Variants in HYOU1 observed in about 807,000 individuals in gnomAD.
HYOU1 encodes the protein hypoxia up-regulated protein 1.
Under a neutral mutation model 120.5 loss-of-function variants are expected in HYOU1, and 40 were observed. The ratio of observed to expected loss-of-function variants is 0.33; its 90% CI spans 0.26 to 0.43. The LOEUF (loss-of-function observed/expected upper bound fraction) is 0.43, where lower values mean the gene tolerates loss of function less well. HYOU1 is among the 20% of genes least tolerant of loss of function. The pLI is 1.00. For missense variants in HYOU1, 1,085 were observed against 1,278.3 expected (o/e 0.85, Z 2.31); for synonymous variants, 501 against 479.4 (o/e 1.05, Z -0.59).
Position 119,049,835 on chromosome 11 carries a change from C to T in HYOU1, c.1668G>A (p.Val556=). The change falls in exon 15 of 26, where the codon GTG becomes GTA. Residue 556 remains valine (V), a splice_region_variant and synonymous_variant. Transcript: ENST00000617285. ...CTACCAGTGTCTCAAATACAGACTC[C>T]ACCTGAAAACAGGTTCAAAATGAAA... is the stretch of plus-strand genomic sequence containing the variant. ...DESGVLSLDR[V]ESVFETLVED... 6.2e-7 allele frequency: 1 copy of T among 1,613,900 alleles called. No individual in the cohort carries two copies. The highest frequency in any genetic ancestry group is 1.7e-5 in the Admixed American group (1 of 60,030).
chr11:119,052,653 G>A lies in HYOU1; in HGVS notation c.971C>T (p.Ala324Val), dbSNP rs2133594369. 6.8e-6 allele frequency: 11 copies of A among 1,613,500 alleles called. No homozygotes were observed. Among genetic ancestry groups the A allele is most frequent in the African/African-American group, 1.3e-5 (1 of 74,940 alleles). ...TGTGGGCACCTGTGCCATGTGGTCAGCGTTGGCACTGAGGACGGTTTTGAG... is the reference window on the plus strand; with the variant it reads ...TGTGGGCACCTGTGCCATGTGGTCAACGTTGGCACTGAGGACGGTTTTGAG... ...NRLKTVLSAN[A>V]DHMAQIEGLM... The change falls in exon 9 of 26, where the codon GCT (alanine) becomes GTT (valine). Residue 324 changes from alanine to valine, a missense_variant. Ala to Val is a moderately conservative substitution (Grantham distance 64). Transcript: ENST00000617285. This position sits in a 1 kb window ranked among gnomAD's most constrained non-coding sequence, Gnocchi z 5.0.
Position 119,048,865 on chromosome 11 carries a change from C to A in HYOU1, c.2014G>T (p.Ala672Ser). 6.2e-7 allele frequency: 1 copy of A among 1,608,510 alleles called. No homozygotes were observed. The highest frequency in any genetic ancestry group is 1.1e-5 in the South Asian group (1 of 90,430). The stretch of plus-strand genomic sequence containing the variant: ...GCTGGAGCGACGCCCTCAGGCCCTG[C>A]CTCTGCCTTCTCACTTGGTTTCTGG... ...EAQKPSEKAE[A>S]GPEGVAPAPE... Residue 672 changes from alanine (A) to serine (S), a missense_variant, in exon 18 of 26, where the codon GCA becomes TCA. Around this residue, in one of 4 missense-constraint regions of HYOU1, gnomAD observed 516 missense variants for 517.1 expected, o/e 1.00. Transcript: ENST00000617285. The surrounding 1 kb of genome is among the most constrained non-coding windows in gnomAD (Gnocchi z 4.7).
rs2133562858 is a variant in HYOU1 at position 119,048,326 on chromosome 11, C to T, written c.2298G>A (p.Glu766=). Residue 766 remains glutamate, a synonymous_variant, in exon 20 of 26, where the codon GAG becomes GAA. Coordinates refer to ENST00000617285, the MANE Select transcript of HYOU1 (RefSeq NM_006389.5). The surrounding 1 kb of genome is among the most constrained non-coding windows in gnomAD (Gnocchi z 4.7). ...QPEYQEVSTE[E]QREEISGKLS... is the part of the protein sequence containing the mutation. ...GCTTCCCAGAGATCTCCTCACGCTG[C>T]TCCTCTGTGGACACTTCCTGGTACT... The T allele has an allele frequency of 3.1e-6, 5 of 1,610,540 alleles. No homozygotes were observed. Among genetic ancestry groups the T allele is most frequent in the South Asian group, 1.1e-5 (1 of 91,076 alleles).
Position 119,048,398 on chromosome 11 carries a change from C to T in HYOU1, c.2254-28G>A, listed in dbSNP as rs2133563641. ...GGGGAGGGGGACATGTAAACACATGCACCCACAAGCCCAGAGGCAAGGCCC... is the reference window on the plus strand; with the variant it reads ...GGGGAGGGGGACATGTAAACACATGTACCCACAAGCCCAGAGGCAAGGCCC... On this transcript the variant is annotated intron_variant, in intron 19 of 25. Coordinates refer to ENST00000617285, the MANE Select transcript of HYOU1 (RefSeq NM_006389.5). This position sits in a 1 kb window ranked among gnomAD's most constrained non-coding sequence, Gnocchi z 4.7. 1.2e-6 allele frequency: 2 copies of T among 1,610,254 alleles called. No individual in the cohort carries two copies. The highest frequency in any genetic ancestry group is 2.7e-5 in the African/African-American group (2 of 75,040).
chr11:119,052,260 CT>C lies in HYOU1; in HGVS notation c.1122+34del. The C allele has an allele frequency of 6.2e-7, 1 of 1,614,058 alleles. No homozygotes were observed. The highest frequency in any genetic ancestry group is 8.5e-7 in the Non-Finnish European group (1 of 1,179,934). ...TCCCATGGGTTTCCTATGCCCTTTCCTACGGGGCATTCCCGCCTTCCCCTAC... is the reference window on the plus strand; with the variant it reads ...TCCCATGGGTTTCCTATGCCCTTTCCACGGGGCATTCCCGCCTTCCCCTAC... On this transcript the variant is annotated intron_variant, in intron 10 of 25. Coordinates refer to ENST00000617285, the MANE Select transcript of HYOU1 (RefSeq NM_006389.5). This position sits in a 1 kb window ranked among gnomAD's most constrained non-coding sequence, Gnocchi z 5.0.
chr11:119,052,077 C>T lies in HYOU1; in HGVS notation c.1205+13G>A. On this transcript the variant is annotated intron_variant, in intron 11 of 25. Transcript: ENST00000617285. The surrounding 1 kb of genome is among the most constrained non-coding windows in gnomAD (Gnocchi z 5.0). Reference sequence around the variant, plus strand: ...GGCAGAACTCAGCCAAGCGCTCTAGCCCCCACACTCACTTGCCCACGGCCT... The same window carrying T: ...GGCAGAACTCAGCCAAGCGCTCTAGTCCCCACACTCACTTGCCCACGGCCT... 1 of 1,614,090 alleles carries T rather than the reference C, an allele frequency of 6.2e-7. No individual in the cohort carries two copies. Among genetic ancestry groups the T allele is most frequent in the South Asian group, 1.1e-5 (1 of 91,084 alleles).
At chr11:119,053,935 A>G (rs2133601885) in intron 8 of HYOU1, 186 bp downstream of exon 8, 1 of 516,258 alleles carries the variant, frequency 1.9e-6, no homozygotes. Flanking sequence ...AGTTTTCCCA[A>G]ACTGTCCTCC....
At chr11:119,056,692 T>C (rs1944793245) in intron 1 of HYOU1, 1 of 269,202 alleles carries the variant, frequency 3.7e-6, no homozygotes. Context: ...TCCCGCCCCC[T>C]CCCCTTTCCC....
intron 14 of HYOU1, 144 bp downstream of exon 14, chr11:119,050,891 G>C: frequency 2.3e-6 from 2 of 857,342 alleles, no homozygotes; most frequent in Non-Finnish European, 3.6e-6. Context: ...CAGATCATCA[G>C]TTAGCTCTGT....
rs201007860 is a variant in HYOU1, at chr11:119,052,182, G to T, written c.1123-10C>A. ...CCTGCTCAATCTCATCCTGCAGTGG[G>T]TAAGAATGACAGGTGCAACAGCATG... On this transcript the variant is annotated splice_polypyrimidine_tract_variant and intron_variant, in intron 10 of 25. Coordinates refer to ENST00000617285, the MANE Select transcript of HYOU1 (RefSeq NM_006389.5). The surrounding 1 kb of genome is among the most constrained non-coding windows in gnomAD (Gnocchi z 5.0). 12 of 1,614,006 alleles carry T rather than the reference G, an allele frequency of 7.4e-6. No homozygotes were observed. The highest frequency in any genetic ancestry group is 1.0e-5 in the Non-Finnish European group (12 of 1,179,996).
intron 22 of HYOU1, 84 bp downstream of exon 22, chr11:119,047,650 C>A: frequency 9.0e-7 from 1 of 1,115,932 alleles, no homozygotes; most frequent in Non-Finnish European, 1.4e-6. Context: ...GAGGCAGGGG[C>A]TGCTGTGGCT....
intron 1 of HYOU1, 160 bp downstream of exon 1, chr11:119,056,860 G>A (rs1419338550): frequency 5.8e-6 from 1 of 172,262 alleles, no homozygotes; most frequent in Non-Finnish European, 1.2e-5. Flanking sequence ...GCCCCAGCAA[G>A]TGGGGACAGA....
chr11:119,051,781 A>T lies in HYOU1; in HGVS notation c.1338+38T>A, dbSNP rs2133587781. The T allele has an allele frequency of 3.7e-6, 6 of 1,612,356 alleles. No individual in the cohort carries two copies. The Admixed American group carries it at 1.0e-4, about 27-fold the overall frequency. ...AGGGGAAACCCTACTTGGGAGAGGTAAAGGGAGCTTGTCACCTGCTCAGTC... is the reference window on the plus strand; with the variant it reads ...AGGGGAAACCCTACTTGGGAGAGGTTAAGGGAGCTTGTCACCTGCTCAGTC... On this transcript the variant is annotated intron_variant, in intron 12 of 25. Transcript: ENST00000617285. The surrounding 1 kb of genome is among the most constrained non-coding windows in gnomAD (Gnocchi z 4.2).
chr11:119,049,207 G>T lies in HYOU1; in HGVS notation c.1807-4C>A. 6.3e-7 allele frequency: 1 copy of T among 1,591,086 alleles called. No homozygotes were observed. ...CTGCAGGGCTCTCCTCTTCCTCCTG[G>T]GAAACACCACAGGCGCCCCAGGGAA... On this transcript the variant is annotated splice_region_variant and splice_polypyrimidine_tract_variant and intron_variant, in intron 16 of 25. Coordinates refer to ENST00000617285, the MANE Select transcript of HYOU1 (RefSeq NM_006389.5).
Position 119,047,796 on chromosome 11 carries a change from T to C in HYOU1, c.2533A>G (p.Met845Val), listed in dbSNP as rs2133558221. 2 of 1,614,074 alleles carry C rather than the reference T, an allele frequency of 1.2e-6. No individual in the cohort carries two copies. The highest frequency in any genetic ancestry group is 4.5e-5 in the East Asian group (2 of 44,874). Residue 845 changes from methionine (M) to valine (V), a missense_variant, in exon 22 of 26, where the codon ATG (methionine) becomes GTG (valine). This residue lies in a region of HYOU1 where 516 missense variants were observed against 517.1 expected (regional missense o/e 1.00). Transcript: ENST00000617285. ...FLKGARLIPE[M>V]DQIFTEVEMT... ...TCCACCTCAGTGAAGATCTGGTCCA[T>C]CTCTGGGATGAGCCGGGCCCCCCTG...
chr11:119,054,799 G>A, intron 6 of HYOU1, 124 bp from the exon 7 acceptor site: 6 of 1,153,950 alleles, frequency 5.2e-6, no homozygotes, highest in Non-Finnish European at 7.3e-6. Flanking sequence ...GTGCACTGTA[G>A]GATGTTGAGC....
Position 119,045,201 on chromosome 11 carries a change from A to G in HYOU1, c.*392T>C. On this transcript the variant is annotated 3_prime_UTR_variant, in exon 26 of 26. Coordinates refer to ENST00000617285, the MANE Select transcript of HYOU1 (RefSeq NM_006389.5). ...TGGTGGGAGAGGAAGGGAGGGAAGG[A>G]ACAATCACCAGAGAAGAGTGGAAAC... The G allele has an allele frequency of 2.2e-6, 1 of 463,916 alleles. No individual in the cohort carries two copies. The highest frequency in any genetic ancestry group is 4.3e-6 in the Non-Finnish European group (1 of 230,634). 28.7% of individuals were successfully genotyped at this position (463,916 alleles called of 1,614,324 possible).
At chr11:119,047,863 C>A in intron 21 of HYOU1, 45 bp from the exon 22 acceptor site, 1 of 1,612,974 alleles carries the variant, frequency 6.2e-7, no homozygotes. Context: ...GGAGAGGGGC[C>A]TGGAGTGTGG....
chr11:119,053,808 A>T (rs2134702327), intron 8 of HYOU1: 1 of 234,818 alleles, frequency 4.3e-6, no homozygotes, highest in South Asian at 8.8e-5. Flanking sequence ...CAAGAATGGT[A>T]AATTATTTAA....
Sources: gnomAD v4.1 joint callset for allele counts on GRCh38, gnomAD v4.1.1 for gene constraint, gnomAD v4.1.1 regional missense constraint, Gnocchi (gnomAD v3.1) non-coding constraint, MANE v1.5 for transcripts, NCBI Gene and HGNC (gene_info 2026-07-23, HGNC 2026-07-21) for gene names.